ITGA2: variants seen among roughly 807,000 people sequenced by gnomAD.
ITGA2 encodes the protein integrin alpha-2.
ITGA2 carries 101 observed loss-of-function variants against 146.3 expected under a neutral mutation model. The ratio of observed to expected loss-of-function variants is 0.69; its 90% CI spans 0.59 to 0.81. The LOEUF is 0.81. ITGA2 is among the 40% of genes least tolerant of loss of function. The pLI, the probability that ITGA2 is intolerant of heterozygous loss-of-function variation, is 0.00. For synonymous variants in ITGA2, 477 were observed against 487.1 expected, an observed-to-expected ratio of 0.98 and a Z score of 0.27; for missense variants, 1,281 against 1,402.7, an observed-to-expected ratio of 0.91 and a Z score of 1.39.
chr5:53,036,943 T>C (rs145023547), intron 2 of ITGA2, among the ~76,000 whole-genome samples: 267 of 152,266 alleles, frequency 1.8e-3, no homozygotes, highest in Non-Finnish European at 3.1e-3. Context: ...TAAACATTTG[T>C]TATAAAATTG....
intron 7 of ITGA2, among the ~76,000 whole-genome samples, chr5:53,055,161 A>G (rs1430186272): frequency 6.6e-6 from 1 of 152,104 alleles, no homozygotes. Context: ...TAAAAAAATA[A>G]GTATTGATAA....
chr5:53,050,473 A>G (rs1022569785), intron 6 of ITGA2, among the ~76,000 whole-genome samples: 1 of 152,118 alleles, frequency 6.6e-6, no homozygotes, highest in Non-Finnish European at 1.5e-5. Context: ...GGGTCCAGGA[A>G]TATTATATTT....
chr5:53,063,476 C>T (rs1302559131), intron 13 of ITGA2, among the ~76,000 whole-genome samples: 7 of 151,816 alleles, frequency 4.6e-5, no homozygotes, highest in African/African-American at 1.7e-4. Context: ...AAACACCATA[C>T]ATTAACATGG....
intron 24 of ITGA2, 82 bp downstream of exon 24, chr5:53,078,956 T>TGAGAAG: frequency 1.2e-6 from 1 of 825,490 alleles, no homozygotes; most frequent in Non-Finnish European, 2.1e-6. Context: ...AAGGAGAAAG[T>TGAGAAG]AAAAAGAAAT....
In ITGA2 at chr5:53,069,824, A is replaced by G. The variant is rs1193113840; in HGVS notation, c.2084-285A>G. Among the ~76,000 whole-genome samples the G allele has an allele frequency of 3.3e-5, 5 of 151,962 alleles. No individual in the cohort carries two copies. The South Asian group carries it at 8.3e-4, about 25-fold the overall frequency. On this transcript the variant is annotated intron_variant, in intron 16 of 29. Coordinates refer to ENST00000296585, the MANE Select transcript of ITGA2 (RefSeq NM_002203.4). ...GGGAGTGAGCAATTTGCCCAGGTTC[A>G]TCACAGTAGGTTTCCTGGCGGCAAG... is the stretch of plus-strand genomic sequence containing the variant.
At chr5:53,054,845 C>T (rs1744556075) in intron 7 of ITGA2, among the ~76,000 whole-genome samples, 1 of 151,976 alleles carries the variant, frequency 6.6e-6, no homozygotes, top group Non-Finnish European at 1.5e-5. Flanking sequence ...GTATTCTGCT[C>T]AGGTGATGGG....
chr5:53,034,367 G>A (rs966148302), intron 2 of ITGA2, among the ~76,000 whole-genome samples: 26 of 150,842 alleles, frequency 1.7e-4, no homozygotes, highest in African/African-American at 6.1e-4. Context: ...CCAAGATCAC[G>A]TCACTGCACT....
At chr5:53,060,269 A>T (rs956927701) in intron 11 of ITGA2, among the ~76,000 whole-genome samples, 2 of 151,944 alleles carry the variant, frequency 1.3e-5, no homozygotes, top group African/African-American at 4.8e-5. Flanking sequence ...TGTTCCTCCA[A>T]AATGGAAATA....
At chr5:52,998,303 A>T (rs1206508480) in intron 1 of ITGA2, among the ~76,000 whole-genome samples, 5 of 152,008 alleles carry the variant, frequency 3.3e-5, no homozygotes, top group Non-Finnish European at 4.4e-5. Flanking sequence ...AATACAAAAA[A>T]ATTAGCCAGG....
At chr5:53,069,920 C>T (rs947570399) in intron 16 of ITGA2, among the ~76,000 whole-genome samples, 189 bp from the exon 17 acceptor site, 3 of 151,838 alleles carry the variant, frequency 2.0e-5, no homozygotes, top group African/African-American at 4.8e-5. Flanking sequence ...CAGTCACCTA[C>T]GTCACATCAG....
intron 23 of ITGA2, among the ~76,000 whole-genome samples, chr5:53,076,311 C>T (rs1040554553): frequency 1.3e-5 from 2 of 152,006 alleles, no homozygotes; most frequent in African/African-American, 4.8e-5. Flanking sequence ...ATCACTCCAG[C>T]CCCTAAGAGC....
chr5:52,995,408 T>C (rs1319426456), intron 1 of ITGA2, among the ~76,000 whole-genome samples: 1 of 152,132 alleles, frequency 6.6e-6, no homozygotes, highest in Non-Finnish European at 1.5e-5. Flanking sequence ...AAAACTCAGA[T>C]AGTGGCAGTA....
rs1744610634 is a variant in ITGA2, at chr5:53,055,967, C to T, written c.931-17C>T. On this transcript the variant is annotated splice_polypyrimidine_tract_variant and intron_variant, in intron 8 of 29. Coordinates refer to ENST00000296585, the MANE Select transcript of ITGA2 (RefSeq NM_002203.4). ...TACAGCAGTAATGACTGCACATTCT[C>T]TTCCTCTATTTTCAAGGTTCTTGGG... 1 of 1,605,596 alleles carries T rather than the reference C, an allele frequency of 6.2e-7. No homozygotes were observed. The highest frequency in any genetic ancestry group is 8.5e-7 in the Non-Finnish European group (1 of 1,175,248).
chr5:53,043,599 C>T (rs923935301), intron 3 of ITGA2, among the ~76,000 whole-genome samples: 25 of 152,032 alleles, frequency 1.6e-4, no homozygotes, highest in Non-Finnish European at 2.9e-4. Context: ...AAGTTGACCT[C>T]CATTTCCAGA....
At position 53,090,835 on chromosome 5, in the gene ITGA2, G is replaced by GA; in HGVS notation, c.*243dup. ...AAAATACCTATTTTATATGATGGGG[G>GA]AAAAAAAGTAATCTTTAAACTGGCT... On this transcript the variant is annotated 3_prime_UTR_variant, in exon 30 of 30. Coordinates refer to ENST00000296585, the MANE Select transcript of ITGA2 (RefSeq NM_002203.4). The GA allele has an allele frequency of 8.4e-6, 5 of 594,500 alleles. No individual in the cohort carries two copies. Among genetic ancestry groups the GA allele is most frequent in the East Asian group, 2.8e-5 (1 of 36,264 alleles). The allele number at this position is 594,500 out of a possible 1,614,324, so 36.8% of individuals were successfully genotyped here. A position where few individuals can be genotyped will look rare whatever the true frequency, so the allele number is the denominator to read the frequency against.
intron 1 of ITGA2, among the ~76,000 whole-genome samples, chr5:53,023,181 G>A (rs561132598): frequency 6.6e-6 from 1 of 152,360 alleles, no homozygotes; most frequent in Admixed American, 6.5e-5. Context: ...GCCCAAGTCA[G>A]TTGAAGACTC....
intron 14 of ITGA2, among the ~76,000 whole-genome samples, chr5:53,065,541 C>T (rs1745105834): frequency 6.6e-6 from 1 of 151,852 alleles, no homozygotes; most frequent in African/African-American, 2.4e-5. Flanking sequence ...AGGAAAAGAA[C>T]TAGGAAATTA....
At chr5:53,074,992 A>AT (rs958053949) in intron 21 of ITGA2, 69 bp from the exon 22 acceptor site, 3,365 of 937,430 alleles carry the variant, frequency 3.6e-3, no homozygotes, top group Non-Finnish European at 4.3e-3. Context: ...TATGAGAAAC[A>AT]TTTTTTTTTT....
intron 28 of ITGA2, among the ~76,000 whole-genome samples, chr5:53,088,352 C>T (rs1740216791): frequency 6.6e-6 from 1 of 151,904 alleles, no homozygotes; most frequent in Non-Finnish European, 1.5e-5. Flanking sequence ...TAACAGAAGC[C>T]AATTACTAGG....
Sources: gnomAD v4.1 joint callset for allele counts (sites outside exome capture counted in the v4.1 genomes callset) on GRCh38, gnomAD v4.1.1 for gene constraint, MANE v1.5 for transcripts, NCBI Gene and HGNC (gene_info 2026-07-23, HGNC 2026-07-21) for gene names.